The following RABGAP1 variants were observed in gnomAD, a reference collection of about 807,000 sequenced individuals.
RABGAP1 encodes rab GTPase-activating protein 1.
Under a neutral mutation model 137.6 loss-of-function variants are expected in RABGAP1, and 23 were observed. That is an observed-to-expected ratio of 0.17 (90% CI 0.12 to 0.24). The LOEUF is 0.24. RABGAP1 is among the 10% of genes least tolerant of loss of function. RABGAP1 has a pLI of 1.00. For missense variants in RABGAP1, 906 were observed against 1,275.8 expected, an observed-to-expected ratio of 0.71 and a Z score of 4.42; for synonymous variants, 451 against 450.7, an observed-to-expected ratio of 1.00 and a Z score of -0.01.
intron 11 of RABGAP1, among the ~76,000 whole-genome samples, chr9:123,011,580 C>T (rs369988058): frequency 3.2e-4 from 49 of 152,266 alleles, no homozygotes; most frequent in Non-Finnish European, 5.7e-4. Flanking sequence ...ATTAGTAATA[C>T]TAATGGCCAC....
chr9:123,022,325 CTA>C (rs1463490035), intron 13 of RABGAP1, among the ~76,000 whole-genome samples: 3 of 152,114 alleles, frequency 2.0e-5, no homozygotes, highest in Non-Finnish European at 2.9e-5. Flanking sequence ...AAAAGAAAGA[CTA>C]TTAACAAAAT....
chr9:122,961,502 G>A (rs986497631), intron 2 of RABGAP1, among the ~76,000 whole-genome samples: 6 of 152,202 alleles, frequency 3.9e-5, no homozygotes, highest in African/African-American at 1.4e-4. Context: ...GCTGTTGGCA[G>A]ACCCACTTTA....
chr9:123,061,792 A>G (rs2033982186), intron 13 of RABGAP1: 1 of 152,200 alleles, frequency 6.6e-6, no homozygotes, highest in Non-Finnish European at 1.5e-5. Context: ...TTTTAAAGTC[A>G]CCATCTGTGC....
At chr9:123,077,710 T>C (rs2034566848) in intron 19 of RABGAP1, among the ~76,000 whole-genome samples, 1 of 149,884 alleles carries the variant, frequency 6.7e-6, no homozygotes, top group Non-Finnish European at 1.5e-5. Flanking sequence ...CTGTGGGGCT[T>C]TTTTTGAGAC....
At chr9:122,966,042 C>T (rs1452465783) in intron 2 of RABGAP1, among the ~76,000 whole-genome samples, 3 of 151,998 alleles carry the variant, frequency 2.0e-5, no homozygotes, top group Non-Finnish European at 4.4e-5. Context: ...TCAGTAATGC[C>T]ATTTACTGAG....
intron 1 of RABGAP1, 65 bp downstream of exon 1, chr9:122,941,158 C>T (rs1311048295): frequency 2.6e-5 from 4 of 152,492 alleles, no homozygotes; most frequent in African/African-American, 7.2e-5. Context: ...GGGTATTTTC[C>T]GACGGCCCCT....
Position 123,060,384 on chromosome 9 carries a change from A to T in RABGAP1, c.1795-4964A>T, listed in dbSNP as rs187227529. On this transcript the variant is annotated intron_variant, in intron 13 of 25. Coordinates refer to ENST00000373647, the MANE Select transcript of RABGAP1 (RefSeq NM_012197.4). ...TTTTGAGATTTATTTGTGTTGTTTC[A>T]TGTATTAGAGGTTCATTTGTATTGC... is the stretch of plus-strand genomic sequence containing the variant. Among the ~76,000 whole-genome samples, 6 of 152,088 alleles carry T rather than the reference A, an allele frequency of 3.9e-5. No individual in the cohort carries two copies. In the East Asian group the frequency reaches 9.7e-4, roughly 24 times the overall value.
intron 19 of RABGAP1, among the ~76,000 whole-genome samples, chr9:123,079,245 T>G (rs1477889419): frequency 1.5e-3 from 228 of 147,690 alleles, no homozygotes; most frequent in African/African-American, 4.7e-3. Flanking sequence ...TTTTGTTTTT[T>G]TTTTTTTTTT....
intron 13 of RABGAP1, among the ~76,000 whole-genome samples, chr9:123,026,136 G>A (rs1419288883): frequency 6.6e-6 from 1 of 151,922 alleles, no homozygotes; most frequent in East Asian, 1.9e-4. Flanking sequence ...CCAGCCTGGG[G>A]AACATGGCAA....
At chr9:123,008,450 CAGG>C (rs1336299621) in intron 10 of RABGAP1, among the ~76,000 whole-genome samples, 1 of 149,212 alleles carries the variant, frequency 6.7e-6, no homozygotes, top group East Asian at 2.0e-4. Flanking sequence ...GAGGCTGAGA[CAGG>C]AGAATCGCTT....
chr9:123,096,756 G>C (rs1406142336), intron 21 of RABGAP1, among the ~76,000 whole-genome samples: 1 of 152,150 alleles, frequency 6.6e-6, no homozygotes, highest in African/African-American at 2.4e-5. Context: ...ATTTTTAGTA[G>C]AAACAGGGTT....
intron 13 of RABGAP1, among the ~76,000 whole-genome samples, chr9:123,025,633 C>T (rs927404826): frequency 7.3e-6 from 1 of 136,340 alleles, no homozygotes; most frequent in Non-Finnish European, 1.5e-5. Context: ...TAAGAATTAA[C>T]TTAGCATGTT....
chr9:123,033,721 A>T (rs1401110751), intron 13 of RABGAP1: 1 of 152,124 alleles, frequency 6.6e-6, no homozygotes, highest in Non-Finnish European at 1.5e-5. Context: ...TTTTGTTTGG[A>T]TTGCAGCATG....
At chr9:123,074,533 T>C in intron 17 of RABGAP1, 105 bp downstream of exon 17, 1 of 1,245,082 alleles carries the variant, frequency 8.0e-7, no homozygotes, top group Non-Finnish European at 1.1e-6. Flanking sequence ...TTGGTCTCTT[T>C]AATTATTTTA....
rs1469891966 is a variant in RABGAP1, at chr9:122,941,475, T to TC, written c.-50+389dup. On this transcript the variant is annotated intron_variant, in intron 1 of 25. Coordinates refer to ENST00000373647, the MANE Select transcript of RABGAP1 (RefSeq NM_012197.4). Reference sequence around the variant, plus strand: ...TGGTCCTATTTGGGAATCCAGCCGCTCCCCCCCGCCTCAGTTTCTCCCCAT... The same window carrying TC: ...TGGTCCTATTTGGGAATCCAGCCGCTCCCCCCCCGCCTCAGTTTCTCCCCAT... 2.2e-4 allele frequency among the ~76,000 whole-genome samples: 34 copies of TC among 152,054 alleles called. 1 individual carries two copies. Among genetic ancestry groups the TC allele is most frequent in the South Asian group, 4.2e-4 (2 of 4,802 alleles).
chr9:123,091,932 G>T (rs113672435), intron 21 of RABGAP1, among the ~76,000 whole-genome samples: 3 of 152,112 alleles, frequency 2.0e-5, no homozygotes, highest in African/African-American at 7.2e-5. Context: ...TCTGCCTAGT[G>T]AGTGGAGGGA....
intron 21 of RABGAP1, among the ~76,000 whole-genome samples, chr9:123,092,779 C>T (rs983283905): frequency 1.3e-5 from 2 of 152,166 alleles, no homozygotes; most frequent in African/African-American, 4.8e-5. Flanking sequence ...TAATTATGAT[C>T]CCCATTTTAC....
Position 123,020,321 on chromosome 9 carries a change from G to A in RABGAP1, c.1656G>A (p.Leu552=), listed in dbSNP as rs1454420254. The change falls in exon 13 of 26, where the codon TTG becomes TTA. Residue 552 remains leucine (L), a synonymous_variant. Coordinates refer to ENST00000373647, the MANE Select transcript of RABGAP1 (RefSeq NM_012197.4). ...GELLSKWHLN[L]NVRPKQLSSL... ...GCCTTATTTTTAGGCATCTCAACTT[G>A]AATGTGAGACCGAAGCAGTTGTCAT... The A allele has an allele frequency of 6.4e-7, 1 of 1,571,000 alleles. No individual in the cohort carries two copies. Among genetic ancestry groups the A allele is most frequent in the Non-Finnish European group, 8.7e-7 (1 of 1,155,526 alleles).
At chr9:123,023,769 G>A (rs964051152) in intron 13 of RABGAP1, among the ~76,000 whole-genome samples, 2 of 151,898 alleles carry the variant, frequency 1.3e-5, no homozygotes, top group Non-Finnish European at 2.9e-5. Context: ...GACAATATTT[G>A]TGTATATATA....
Sources: gnomAD v4.1 joint callset for allele counts (sites outside exome capture counted in the v4.1 genomes callset) on GRCh38, gnomAD v4.1.1 for gene constraint, MANE v1.5 for transcripts, NCBI Gene and HGNC (gene_info 2026-07-23, HGNC 2026-07-21) for gene names.